Variants in PTPRT observed in about 807,000 individuals in gnomAD.
PTPRT encodes the protein receptor-type tyrosine-protein phosphatase T.
Under a neutral mutation model 176.8 loss-of-function variants are expected in PTPRT, and 56 were observed. The ratio of observed to expected loss-of-function variants is 0.32; its 90% confidence interval spans 0.26 to 0.40. The LOEUF is 0.40. PTPRT is among the 10% of genes least tolerant of loss of function. The pLI is 1.00. For synonymous variants in PTPRT, 783 were observed against 739.0 expected, an observed-to-expected ratio of 1.06 and a Z score of -0.96; for missense variants, 1,540 against 1,908.2, an observed-to-expected ratio of 0.81 and a Z score of 3.60.
At chr20:43,136,113 C>T (rs1448096027) in intron 1 of PTPRT, among the ~76,000 whole-genome samples, 2 of 152,184 alleles carry the variant, frequency 1.3e-5, no homozygotes, top group African/African-American at 4.8e-5. Context: ...GCTATTTAAT[C>T]ACCTGTTGCT....
At chr20:42,193,743 G>C (rs1991088704) in intron 16 of PTPRT, among the ~76,000 whole-genome samples, 1 of 152,116 alleles carries the variant, frequency 6.6e-6, no homozygotes, top group Non-Finnish European at 1.5e-5. Context: ...AGAAATCCCA[G>C]AGCCAAAGTG....
At chr20:42,879,114 G>A (rs969868971) in intron 2 of PTPRT, among the ~76,000 whole-genome samples, 1 of 152,184 alleles carries the variant, frequency 6.6e-6, no homozygotes, top group African/African-American at 2.4e-5. Context: ...ACCTGGGTAG[G>A]TGATGGGGTC....
At chr20:42,295,305 C>A (rs1048779713) in intron 12 of PTPRT, among the ~76,000 whole-genome samples, 2 of 152,182 alleles carry the variant, frequency 1.3e-5, no homozygotes, top group African/African-American at 4.8e-5. Flanking sequence ...AACAATGTGG[C>A]AGCATTTTCC....
intron 11 of PTPRT, among the ~76,000 whole-genome samples, chr20:42,321,747 C>A: frequency 6.6e-6 from 1 of 152,150 alleles, no homozygotes. Flanking sequence ...CTTCTAATAC[C>A]ATACTAGACA....
At chr20:42,725,709 A>G (rs1600666473) in intron 6 of PTPRT, among the ~76,000 whole-genome samples, 2 of 152,044 alleles carry the variant, frequency 1.3e-5, no homozygotes, top group South Asian at 2.1e-4. Context: ...ACACTTTTAC[A>G]CTGTTGGTGG....
chr20:42,938,527 A>G (rs1980346889), intron 1 of PTPRT, among the ~76,000 whole-genome samples: 1 of 152,196 alleles, frequency 6.6e-6, no homozygotes, highest in Non-Finnish European at 1.5e-5. Flanking sequence ...GAGCAGAGGC[A>G]CTGAAGAAGA....
intron 17 of PTPRT, among the ~76,000 whole-genome samples, chr20:42,150,812 T>C (rs1360079241): frequency 6.6e-6 from 1 of 152,210 alleles, no homozygotes; most frequent in Non-Finnish European, 1.5e-5. Flanking sequence ...GTTGATGAAA[T>C]TCTCATGTGT....
chr20:43,105,817 C>G (rs987121743), intron 1 of PTPRT, among the ~76,000 whole-genome samples: 4 of 152,072 alleles, frequency 2.6e-5, no homozygotes, highest in Admixed American at 6.5e-5. Context: ...AATCATGGCT[C>G]ATGGCAGGAT....
In PTPRT at chr20:42,703,833, G is replaced by A. The variant is rs568170324; in HGVS notation, c.860-25674C>T. ...CACGAGCTCTCTGCGGCTTCCTACT[G>A]TGCTCTAAGAAATAGAAAAGCAGCT... On this transcript the variant is annotated intron_variant, in intron 6 of 30. Transcript: ENST00000373187. Among the ~76,000 whole-genome samples, 873 of 152,210 alleles carry A rather than the reference G, an allele frequency of 5.7e-3. 3 individuals are homozygous for A. The highest frequency in any genetic ancestry group is 8.7e-3 in the Non-Finnish European group (590 of 68,014).
chr20:42,993,490 GTATA>G (rs1238513284), intron 1 of PTPRT, among the ~76,000 whole-genome samples: 1 of 74,826 alleles, frequency 1.3e-5, no homozygotes, highest in Non-Finnish European at 2.6e-5. Context: ...ATATGTGTGT[GTATA>G]TATATACACA....
intron 2 of PTPRT, among the ~76,000 whole-genome samples, chr20:42,873,573 A>G (rs2145830933): frequency 6.6e-6 from 1 of 152,296 alleles, no homozygotes; most frequent in Non-Finnish European, 1.5e-5. Context: ...AAGGTAAAAA[A>G]GAAATGGGTT....
chr20:43,084,743 A>G (rs955210590), intron 1 of PTPRT, among the ~76,000 whole-genome samples: 1 of 152,224 alleles, frequency 6.6e-6, no homozygotes, highest in Non-Finnish European at 1.5e-5. Context: ...AAGCATGTAG[A>G]TAAGTATATG....
intron 1 of PTPRT, among the ~76,000 whole-genome samples, chr20:43,065,640 T>C (rs2011106324): frequency 6.6e-6 from 1 of 152,126 alleles, no homozygotes; most frequent in Non-Finnish European, 1.5e-5. Flanking sequence ...CTTAGCACAA[T>C]GAATCAGATG....
In PTPRT at chr20:42,779,026, C is replaced by T. The variant is rs1000163998; in HGVS notation, c.568+1192G>A. ...GTCTCTCCTGCACAGGATCCAAACACAATTTCTCAAAATAATGTTCGGAAC... is the reference window on the plus strand; with the variant it reads ...GTCTCTCCTGCACAGGATCCAAACATAATTTCTCAAAATAATGTTCGGAAC... On this transcript the variant is annotated intron_variant, in intron 4 of 30. Transcript: ENST00000373187. 6.6e-5 allele frequency among the ~76,000 whole-genome samples: 10 copies of T among 152,166 alleles called. No homozygotes were observed. The East Asian group carries it at 1.9e-3, about 29-fold the overall frequency.
chr20:42,082,288 T>C (rs1452513451), intron 29 of PTPRT, among the ~76,000 whole-genome samples: 2 of 152,106 alleles, frequency 1.3e-5, no homozygotes, highest in Non-Finnish European at 2.9e-5. Flanking sequence ...CCTTTGAGAG[T>C]TCAATTAGCT....
rs1225371625 is a variant in PTPRT at position 42,494,123 on chromosome 20, CA to C, written c.1154-21562del. Among the ~76,000 whole-genome samples, 119 of 152,144 alleles carry C rather than the reference CA, an allele frequency of 7.8e-4. 1 individual carries two copies. The highest frequency in any genetic ancestry group is 2.8e-3 in the African/African-American group (117 of 41,522). On this transcript the variant is annotated intron_variant, in intron 7 of 30. Transcript: ENST00000373187. ...TTTTTTCAGAGTAAAGAGAGAGAAG[CA>C]GTGAGTTATTGTCATGTTAAGCTGC...
intron 7 of PTPRT, among the ~76,000 whole-genome samples, chr20:42,614,126 T>C (rs2074022294): frequency 1.3e-5 from 2 of 152,136 alleles, no homozygotes; most frequent in Admixed American, 1.3e-4. Flanking sequence ...TCCTAGCTTC[T>C]GGTGGTTTGC....
intron 17 of PTPRT, among the ~76,000 whole-genome samples, chr20:42,153,969 GATGGCTTT>G (rs1255267735): frequency 2.0e-5 from 3 of 152,220 alleles, no homozygotes; most frequent in African/African-American, 7.2e-5. Context: ...AGCGGTCACT[GATGGCTTT>G]TGGCCACTCC....
intron 16 of PTPRT, among the ~76,000 whole-genome samples, chr20:42,197,145 C>T (rs555052168): frequency 3.3e-5 from 5 of 152,020 alleles, no homozygotes; most frequent in Admixed American, 6.5e-5. Context: ...TTTGGGAGGC[C>T]GAGGCGGGCG....
Sources: allele counts gnomAD v4.1 joint callset (sites outside exome capture counted in the v4.1 genomes callset), GRCh38; gene constraint gnomAD v4.1.1; transcripts MANE v1.5; gene names NCBI Gene and HGNC (gene_info 2026-07-23, HGNC 2026-07-21).